Variants in BCAS1 observed in about 807,000 individuals in gnomAD.
BCAS1 encodes the protein brain enriched myelin associated protein 1.
Under a neutral mutation model 65.4 loss-of-function variants are expected in BCAS1, and 46 were observed. That is an observed-to-expected ratio of 0.70 (90% CI 0.55 to 0.90). The LOEUF (loss-of-function observed/expected upper bound fraction) is 0.90. Among genes scored for constraint, BCAS1 ranks in the 40% least tolerant of loss-of-function variants. The probability of loss-of-function intolerance (pLI) is 0.00; values close to 1 mark genes in which losing one functional copy is unlikely to be tolerated. For missense variants in BCAS1, 793 were observed against 771.2 expected, an observed-to-expected ratio of 1.03 and a Z score of -0.33; for synonymous variants, 298 against 293.5, an observed-to-expected ratio of 1.02 and a Z score of -0.16.
At chr20:53,984,036 T>G (rs1200505500) in intron 8 of BCAS1, among the ~76,000 whole-genome samples, 1 of 152,224 alleles carries the variant, frequency 6.6e-6, no homozygotes, top group Non-Finnish European at 1.5e-5. Context: ...TTTATTAGAT[T>G]CCTTTTTAAA....
chr20:54,038,183 A>G (rs1600955958), intron 3 of BCAS1, among the ~76,000 whole-genome samples: 1 of 151,242 alleles, frequency 6.6e-6, no homozygotes, highest in East Asian at 1.9e-4. Flanking sequence ...CAATCTGGAA[A>G]TATTTTCGCT....
chr20:54,038,872 A>G lies in BCAS1; in HGVS notation c.143-9900T>C, dbSNP rs2091943230. ...TCTTGCAAAAGATGCAGGGGTTTAT[A>G]GAGTCTTGTAACATTGGTGAGCTGC... On this transcript the variant is annotated intron_variant, in intron 3 of 12. Transcript: ENST00000688948. Among the ~76,000 whole-genome samples the G allele has an allele frequency of 1.3e-5, 2 of 151,390 alleles. 1 individual carries two copies. Among genetic ancestry groups the G allele is most frequent in the Non-Finnish European group, 3.0e-5 (2 of 67,586 alleles).
intron 3 of BCAS1, among the ~76,000 whole-genome samples, chr20:54,052,883 T>C (rs2092241485): frequency 1.3e-5 from 2 of 152,242 alleles, no homozygotes; most frequent in Admixed American, 6.5e-5. Context: ...TGTACGGATA[T>C]ACCCTAATTG....
At position 54,028,537 on chromosome 20, in the gene BCAS1, A is replaced by G. The variant is rs775678308; in HGVS notation, c.578T>C (p.Phe193Ser). Residue 193 changes from phenylalanine to serine, a missense_variant, in exon 4 of 13, where the codon TTT (phenylalanine) becomes TCT (serine). By Grantham distance (155) the Phe-to-Ser change is radical (BLOSUM62 -2). Coordinates refer to ENST00000688948, the MANE Select transcript of BCAS1 (RefSeq NM_001366298.2). ...GTCCAGCTTGAAGAATTTGTCAAAA[A>G]AGCTGGAGTCCTTGGGCTTGGAGGG... The part of the protein sequence containing the change: ...EAPSKPKDSS[F>S]FDKFFKLDKG... The G allele has an allele frequency of 6.2e-7, 1 of 1,614,056 alleles. No individual in the cohort carries two copies. Among genetic ancestry groups the G allele is most frequent in the South Asian group, 1.1e-5 (1 of 91,062 alleles).
At chr20:54,051,864 G>C (rs1232211476) in intron 3 of BCAS1, among the ~76,000 whole-genome samples, 1 of 151,982 alleles carries the variant, frequency 6.6e-6, no homozygotes, top group Non-Finnish European at 1.5e-5. Flanking sequence ...TCAACCTCCA[G>C]AGTAGCTGGG....
chr20:53,994,125 GC>G (rs1051217425), intron 6 of BCAS1, among the ~76,000 whole-genome samples: 1 of 152,184 alleles, frequency 6.6e-6, no homozygotes, highest in Non-Finnish European at 1.5e-5. Flanking sequence ...TCTTTTCACA[GC>G]CAGCTCCTTC....
chr20:54,047,216 C>T (rs143706), intron 3 of BCAS1, among the ~76,000 whole-genome samples: 1 of 151,964 alleles, frequency 6.6e-6, no homozygotes, highest in African/African-American at 2.4e-5. Context: ...TTGTGTCTAG[C>T]CTTTCTCAGA....
chr20:53,982,647 C>G (rs939763658), intron 8 of BCAS1, among the ~76,000 whole-genome samples: 1 of 152,024 alleles, frequency 6.6e-6, no homozygotes. Context: ...TTGCATTTTT[C>G]AAAACTCTTC....
intron 1 of BCAS1, among the ~76,000 whole-genome samples, chr20:54,062,595 ACAAAG>A (rs1250721722): frequency 1.3e-5 from 2 of 152,244 alleles, no homozygotes; most frequent in African/African-American, 2.4e-5. Context: ...TTCAATCCTA[ACAAAG>A]CTACTTTGAA....
chr20:54,007,040 G>T (rs575055195), intron 4 of BCAS1, among the ~76,000 whole-genome samples: 4 of 152,180 alleles, frequency 2.6e-5, no homozygotes, highest in African/African-American at 9.6e-5. Context: ...AGTAGGCAAG[G>T]TTCTCTGAAG....
At chr20:54,046,514 G>A (rs560841102) in intron 3 of BCAS1, among the ~76,000 whole-genome samples, 40 of 130,648 alleles carry the variant, frequency 3.1e-4, no homozygotes, top group East Asian at 9.3e-4. Context: ...GGTGGACAGC[G>A]CGAGACTCCA....
intron 7 of BCAS1, among the ~76,000 whole-genome samples, chr20:53,988,618 C>T (rs2090675200): frequency 6.6e-6 from 1 of 152,178 alleles, no homozygotes; most frequent in Non-Finnish European, 1.5e-5. Context: ...CTGGAATTTC[C>T]ATCACCTCAA....
chr20:53,985,389 C>T lies in BCAS1; in HGVS notation c.1173G>A (p.Ser391=), dbSNP rs202211295. Residue 391 remains serine (S), a synonymous_variant, in exon 8 of 13, where the codon TCG becomes TCA. Coordinates refer to ENST00000688948, the MANE Select transcript of BCAS1 (RefSeq NM_001366298.2). ...AGKNSKGCNP[S]GHTQSVTTPE... ...GGGTTGTCACGGACTGTGTGTGCCC[C>T]GATGGGTTGCATCCTTTGGAATTCT... 25 of 1,614,020 alleles carry T rather than the reference C, an allele frequency of 1.5e-5. No homozygotes were observed. The highest frequency in any genetic ancestry group is 2.7e-5 in the African/African-American group (2 of 74,996).
At chr20:53,955,772 A>G (rs1300247617) in intron 11 of BCAS1, among the ~76,000 whole-genome samples, 1 of 117,714 alleles carries the variant, frequency 8.5e-6, no homozygotes, top group Non-Finnish European at 2.0e-5. Context: ...TTGGATTCTG[A>G]AAACACTCCT....
intron 4 of BCAS1, among the ~76,000 whole-genome samples, chr20:54,014,465 G>C (rs943336570): frequency 5.3e-5 from 8 of 151,616 alleles, no homozygotes; most frequent in Admixed American, 2.6e-4. Context: ...TTGTCAGCTG[G>C]ACTTCAGACT....
intron 3 of BCAS1, among the ~76,000 whole-genome samples, chr20:54,047,073 G>A (rs763722538): frequency 6.6e-6 from 1 of 152,122 alleles, no homozygotes; most frequent in African/African-American, 2.4e-5. Flanking sequence ...TTAATCACAG[G>A]TCTGGTTCCT....
chr20:54,045,810 T>C (rs576377632), intron 3 of BCAS1, among the ~76,000 whole-genome samples: 10 of 152,390 alleles, frequency 6.6e-5, no homozygotes, highest in Non-Finnish European at 1.3e-4. Context: ...ATCAAAACAC[T>C]AATTCCCTTT....
intron 8 of BCAS1, among the ~76,000 whole-genome samples, chr20:53,983,043 G>A (rs1296101135): frequency 1.3e-5 from 2 of 152,152 alleles, no homozygotes; most frequent in African/African-American, 4.8e-5. Flanking sequence ...AAAAGACAGT[G>A]AGACTGAAAT....
intron 4 of BCAS1, among the ~76,000 whole-genome samples, chr20:54,007,614 C>T (rs917472416): frequency 1.3e-5 from 2 of 152,210 alleles, no homozygotes; most frequent in African/African-American, 2.4e-5. Flanking sequence ...CAAGATCTGC[C>T]GGCCCAGGGC....
Sources: allele counts gnomAD v4.1 joint callset (sites outside exome capture counted in the v4.1 genomes callset), GRCh38; gene constraint gnomAD v4.1.1; transcripts MANE v1.5; gene names NCBI Gene and HGNC (gene_info 2026-07-23, HGNC 2026-07-21).